KCNQ1: variants seen among roughly 807,000 people sequenced by gnomAD.
The protein encoded by KCNQ1 is potassium voltage-gated channel subfamily KQT member 1.
A neutral mutation model predicts 72.4 loss-of-function variants in KCNQ1; 49 were observed. The observed-to-expected ratio is 0.68, with a 90% CI of 0.54 to 0.86. The LOEUF (loss-of-function observed/expected upper bound fraction) is 0.86. Ranked by LOEUF, KCNQ1 falls within the 40% of genes least tolerant of loss-of-function variation. KCNQ1 has a pLI of 0.00. For synonymous variants in KCNQ1, 450 were observed against 412.6 expected (o/e 1.09, Z -1.10); for missense variants, 790 against 945.1 (o/e 0.84, Z 2.15).
At chr11:2,531,275 C>T (rs1241819748) in intron 2 of KCNQ1, among the ~76,000 whole-genome samples, 1 of 128,810 alleles carries the variant, frequency 7.8e-6, no homozygotes, top group Non-Finnish European at 1.6e-5. Context: ...CTGGGCTCCA[C>T]ATGCCCGTCT....
In KCNQ1 at chr11:2,734,551, T is replaced by C. The variant is rs1357530032; in HGVS notation, c.1515-34293T>C. ...GAGAGCCAGATGTGGGGAGCGGGGC[T>C]GTCGAGGCTGATCTCAGGATGCTTG... On this transcript the variant is annotated intron_variant, in intron 11 of 15. Coordinates refer to ENST00000155840, the MANE Select transcript of KCNQ1 (RefSeq NM_000218.3). This position sits in a 1 kb window ranked among gnomAD's most constrained non-coding sequence, Gnocchi z 7.0. Among the ~76,000 whole-genome samples the C allele has an allele frequency of 2.0e-5, 3 of 151,800 alleles. No individual in the cohort carries two copies. Among genetic ancestry groups the C allele is most frequent in the African/African-American group, 7.3e-5 (3 of 41,354 alleles).
Position 2,772,206 on chromosome 11 carries a change from G to A in KCNQ1, c.1590+3287G>A, listed in dbSNP as rs1261423446. Among the ~76,000 whole-genome samples, 3 of 151,838 alleles carry A rather than the reference G, an allele frequency of 2.0e-5. No individual in the cohort carries two copies. Among genetic ancestry groups the A allele is most frequent in the African/African-American group, 7.3e-5 (3 of 41,318 alleles). ...ACCTCTCAGGATGCTTCCCTTCCTCGACGCCTGCCTGTCTGCTTGCTTGCA... is the reference window on the plus strand; with the variant it reads ...ACCTCTCAGGATGCTTCCCTTCCTCAACGCCTGCCTGTCTGCTTGCTTGCA... On this transcript the variant is annotated intron_variant, in intron 12 of 15. Coordinates refer to ENST00000155840, the MANE Select transcript of KCNQ1 (RefSeq NM_000218.3). The surrounding 1 kb of genome is among the most constrained non-coding windows in gnomAD (Gnocchi z 6.6).
Position 2,445,382 on chromosome 11 carries a change from G to A in KCNQ1, c.284G>A (p.Ser95Asn). ...VSLDPRVSIY[S>N]TRRPVLARTH... ...CTAGACCCGCGCGTCTCCATCTACAGCACGCGCCGCCCGGTGTTGGCGCGC... is the reference window on the plus strand; with the variant it reads ...CTAGACCCGCGCGTCTCCATCTACAACACGCGCCGCCCGGTGTTGGCGCGC... The change falls in exon 1 of 16, where the codon AGC (serine) becomes AAC (asparagine). Residue 95 changes from serine to asparagine, a missense_variant. Transcript: ENST00000155840. 3 of 1,597,826 alleles carry A rather than the reference G, an allele frequency of 1.9e-6. No individual in the cohort carries two copies. The highest frequency in any genetic ancestry group is 2.5e-6 in the Non-Finnish European group (3 of 1,179,602).
At chr11:2,666,612 G>C in intron 11 of KCNQ1, 1 of 398,636 alleles carries the variant, frequency 2.5e-6, no homozygotes, top group Non-Finnish European at 4.4e-6. Flanking sequence ...AAGGGCAAAC[G>C]TCACAAGGGT....
chr11:2,517,409 G>T (rs1019194506), intron 1 of KCNQ1, among the ~76,000 whole-genome samples: 1 of 152,176 alleles, frequency 6.6e-6, no homozygotes, highest in Non-Finnish European at 1.5e-5. Context: ...GGGGCTCAGG[G>T]CTGAGAAGCC....
intron 10 of KCNQ1, chr11:2,631,749 T>C: frequency 2.5e-6 from 1 of 398,672 alleles, no homozygotes; most frequent in Non-Finnish European, 4.4e-6. Flanking sequence ...ATACTCTTCT[T>C]GCAGCTCCAT....
Position 2,528,022 on chromosome 11 carries a change from C to T in KCNQ1, c.477+4C>T, listed in dbSNP as rs763599970. The T allele has an allele frequency of 1.2e-5, 19 of 1,609,006 alleles. No individual in the cohort carries two copies. The East Asian group carries it at 1.8e-4, about 15-fold the overall frequency. ...CACGGGGACTCTCTTCTGGATGGTACGTAGCATCTGAGGGCATGGCTGGAT... is the reference window on the plus strand; with the variant it reads ...CACGGGGACTCTCTTCTGGATGGTATGTAGCATCTGAGGGCATGGCTGGAT... On this transcript the variant is annotated splice_donor_region_variant and intron_variant, in intron 2 of 15. Coordinates refer to ENST00000155840, the MANE Select transcript of KCNQ1 (RefSeq NM_000218.3).
At chr11:2,648,564 G>A (rs193053027) in intron 10 of KCNQ1, 83 of 398,362 alleles carry the variant, frequency 2.1e-4, no homozygotes, top group East Asian at 1.4e-3. Flanking sequence ...TTTGATTTCC[G>A]TGTATCTGTT....
chr11:2,822,062 A>C (rs1319441473), intron 15 of KCNQ1, among the ~76,000 whole-genome samples: 1 of 152,172 alleles, frequency 6.6e-6, no homozygotes. Context: ...AGACAGGGGG[A>C]TGGAAGCAGA....
rs1479233477 is a variant in KCNQ1, at chr11:2,504,762, ATAAG to A, written c.387-23165_387-23162del. On this transcript the variant is annotated intron_variant, in intron 1 of 15. Coordinates refer to ENST00000155840, the MANE Select transcript of KCNQ1 (RefSeq NM_000218.3). The stretch of plus-strand genomic sequence containing the variant: ...ACAGAGTGAGACTGTCTCTAAATAA[ATAAG>A]ACGAAAAGAGTATAATGAGGTTGTT... Among the ~76,000 whole-genome samples, 3 of 152,296 alleles carry A rather than the reference ATAAG, an allele frequency of 2.0e-5. No individual in the cohort carries two copies. In the East Asian group the frequency reaches 5.8e-4, roughly 29 times the overall value.
At chr11:2,716,257 A>G (rs1851090963) in intron 11 of KCNQ1, among the ~76,000 whole-genome samples, 1 of 152,066 alleles carries the variant, frequency 6.6e-6, no homozygotes, top group Non-Finnish European at 1.5e-5. Context: ...CTAGGGAAAG[A>G]AGTCAGAAAA....
rs916566915 is a variant in KCNQ1 at position 2,578,433 on chromosome 11, C to T, written c.922-5002C>T. ...CCCCTGGAACCACTGAGACAGGCAT[C>T]GTGCCACGAGAGGGGACACCTGCCT... On this transcript the variant is annotated intron_variant, in intron 6 of 15. Transcript: ENST00000155840. Among the ~76,000 whole-genome samples the T allele has an allele frequency of 5.3e-5, 8 of 152,332 alleles. No individual in the cohort carries two copies. In the East Asian group the frequency reaches 9.7e-4, roughly 18 times the overall value.
chr11:2,684,685 C>T lies in KCNQ1; in HGVS notation c.1514+22604C>T, dbSNP rs1005811900. 1.3e-5 allele frequency: 5 copies of T among 398,468 alleles called. No homozygotes were observed. In the South Asian group the frequency reaches 5.1e-4, roughly 41 times the overall value. The allele number at this position is 398,468 out of a possible 1,614,324, so 24.7% of individuals were successfully genotyped here. A position where few individuals can be genotyped will look rare whatever the true frequency, so the allele number is the denominator to read the frequency against. On this transcript the variant is annotated intron_variant, in intron 11 of 15. Coordinates refer to ENST00000155840, the MANE Select transcript of KCNQ1 (RefSeq NM_000218.3). Reference sequence around the variant, plus strand: ...GTTGGATGTGCAGGGAGCTAGTGGCCAACTGAGCACTTGCTCAGGCGGAGG... The same window carrying T: ...GTTGGATGTGCAGGGAGCTAGTGGCTAACTGAGCACTTGCTCAGGCGGAGG...
intron 2 of KCNQ1, among the ~76,000 whole-genome samples, chr11:2,553,166 T>G (rs914236844): frequency 1.5e-5 from 2 of 137,676 alleles, no homozygotes; most frequent in African/African-American, 3.1e-5. Context: ...TTTTTTGTTT[T>G]TTTTTTTTTT....
chr11:2,447,962 C>T lies in KCNQ1; in HGVS notation c.386+2478C>T, dbSNP rs565871422. Among the ~76,000 whole-genome samples, 1 of 152,314 alleles carries T rather than the reference C, an allele frequency of 6.6e-6. No individual in the cohort carries two copies. The highest frequency in any genetic ancestry group is 2.4e-5 in the African/African-American group (1 of 41,576). ...CTCTTCCTGTGTTCCTTCTGGCCTC[C>T]CTGGGCTGGCCGGGGTGGACACGGC... On this transcript the variant is annotated intron_variant, in intron 1 of 15. Transcript: ENST00000155840. The surrounding 1 kb of genome is among the most constrained non-coding windows in gnomAD (Gnocchi z 7.6).
rs1247567842 is a variant in KCNQ1 at position 2,750,360 on chromosome 11, G to A, written c.1515-18484G>A. 6.6e-6 allele frequency among the ~76,000 whole-genome samples: 1 copy of A among 152,216 alleles called. No homozygotes were observed. Among genetic ancestry groups the A allele is most frequent in the Non-Finnish European group, 1.5e-5 (1 of 68,028 alleles). On this transcript the variant is annotated intron_variant, in intron 11 of 15. Coordinates refer to ENST00000155840, the MANE Select transcript of KCNQ1 (RefSeq NM_000218.3). This position sits in a 1 kb window ranked among gnomAD's most constrained non-coding sequence, Gnocchi z 6.3. ...TAACCAGTTGGGGGAATCCATGGGA[G>A]GCTTTAGCCCTGCTCTGTGAACTGC...
chr11:2,640,195 G>T, intron 10 of KCNQ1: 1 of 391,368 alleles, frequency 2.6e-6, no homozygotes. Context: ...CTCACACTCA[G>T]TGGGCTGCAC....
At chr11:2,556,171 G>T (rs548973745) in intron 2 of KCNQ1, among the ~76,000 whole-genome samples, 1 of 152,154 alleles carries the variant, frequency 6.6e-6, no homozygotes, top group Non-Finnish European at 1.5e-5. Flanking sequence ...AGCGCCCCCC[G>T]GCCGGCAAGT....
rs766068814 is a variant in KCNQ1 at position 2,624,354 on chromosome 11, C to T, written c.1393+35500C>T. 3 of 398,390 alleles carry T rather than the reference C, an allele frequency of 7.5e-6. No individual in the cohort carries two copies. Among genetic ancestry groups the T allele is most frequent in the South Asian group, 1.3e-4 (1 of 7,848 alleles). 24.7% of individuals were successfully genotyped at this position (398,390 alleles called of 1,614,324 possible). A position where few individuals can be genotyped will look rare whatever the true frequency, so the allele number is the denominator to read the frequency against. ...GTATATCTTTTACAAGTATTGTCTCCCTTCTGTGGCCTGTCCTTTCATCCT... is the reference window on the plus strand; with the variant it reads ...GTATATCTTTTACAAGTATTGTCTCTCTTCTGTGGCCTGTCCTTTCATCCT... On this transcript the variant is annotated intron_variant, in intron 10 of 15. Transcript: ENST00000155840. This position sits in a 1 kb window ranked among gnomAD's most constrained non-coding sequence, Gnocchi z 4.9.
Sources: allele counts gnomAD v4.1 joint callset (sites outside exome capture counted in the v4.1 genomes callset), GRCh38; gene constraint gnomAD v4.1.1; non-coding constraint Gnocchi (gnomAD v3.1); transcripts MANE v1.5; gene names NCBI Gene and HGNC (gene_info 2026-07-23, HGNC 2026-07-21).